The following NXPH1 variants were observed in gnomAD, a reference collection of about 807,000 sequenced individuals.
The protein encoded by NXPH1 is neurexophilin 1, also known as neurexophilin-1.
In NXPH1, 5 loss-of-function variants were observed where a neutral mutation model predicts 23.7. The ratio of observed to expected loss-of-function variants is 0.21; its 90% CI spans 0.11 to 0.44. The LOEUF is 0.44. NXPH1 is among the 20% of genes least tolerant of loss of function. The pLI, the probability that NXPH1 is intolerant of heterozygous loss-of-function variation, is 0.99. For synonymous variants in NXPH1, 144 were observed against 122.2 expected, an observed-to-expected ratio of 1.18 and a Z score of -1.18; for missense variants, 324 against 321.6, an observed-to-expected ratio of 1.01 and a Z score of -0.06.
At chr7:8,524,424 C>T (rs776667502) in intron 2 of NXPH1, among the ~76,000 whole-genome samples, 2 of 152,056 alleles carry the variant, frequency 1.3e-5, no homozygotes, top group Non-Finnish European at 2.9e-5. Context: ...AGTCTTTCTG[C>T]AGGATCTGCT....
chr7:8,743,951 T>C (rs1412024724), intron 2 of NXPH1, among the ~76,000 whole-genome samples: 1 of 152,178 alleles, frequency 6.6e-6, no homozygotes, highest in Non-Finnish European at 1.5e-5. Context: ...CCCAAAGTGC[T>C]GGGATTGCAG....
At chr7:8,559,947 G>A (rs1003873835) in intron 2 of NXPH1, among the ~76,000 whole-genome samples, 3 of 151,644 alleles carry the variant, frequency 2.0e-5, no homozygotes, top group African/African-American at 4.8e-5. Context: ...TGCCAGAATC[G>A]ATTATTGATA....
intron 2 of NXPH1, among the ~76,000 whole-genome samples, chr7:8,707,791 G>A (rs1199394930): frequency 2.6e-5 from 4 of 151,862 alleles, no homozygotes; most frequent in African/African-American, 9.7e-5. Context: ...TCTAAAACTA[G>A]GCCTCTTTTA....
intron 2 of NXPH1, among the ~76,000 whole-genome samples, chr7:8,738,077 A>C (rs1356542972): frequency 6.6e-6 from 1 of 152,202 alleles, no homozygotes; most frequent in Non-Finnish European, 1.5e-5. Context: ...TTGGGTTAGA[A>C]CATGCTCCTT....
intron 2 of NXPH1, among the ~76,000 whole-genome samples, chr7:8,534,018 C>A (rs149135013): frequency 6.6e-6 from 1 of 152,044 alleles, no homozygotes; most frequent in East Asian, 1.9e-4. Context: ...CAAATGTTAA[C>A]AACATATTGT....
intron 2 of NXPH1, among the ~76,000 whole-genome samples, chr7:8,486,911 C>A (rs1052224759): frequency 1.3e-4 from 19 of 151,868 alleles, no homozygotes; most frequent in African/African-American, 4.6e-4. Context: ...AATTACAGGC[C>A]CTTTATTATT....
At chr7:8,564,083 C>T (rs1052712912) in intron 2 of NXPH1, among the ~76,000 whole-genome samples, 4 of 151,660 alleles carry the variant, frequency 2.6e-5, no homozygotes, top group African/African-American at 9.7e-5. Context: ...TCCTCTTGTC[C>T]CCAGAGCACA....
At position 8,751,595 on chromosome 7, in the gene NXPH1, T is replaced by G; in HGVS notation, c.642T>G (p.Pro214=). ...ATKNTLCNYD[P]SKTCYQEQTQ... The stretch of plus-strand genomic sequence containing the variant: ...AGAACACACTCTGCAACTATGACCC[T>G]TCAAAAACCTGTTACCAGGAGCAAA... The change falls in exon 3 of 3, where the codon CCT becomes CCG. Residue 214 remains proline, a synonymous_variant. Transcript: ENST00000405863. The surrounding 1 kb of genome is among the most constrained non-coding windows in gnomAD (Gnocchi z 4.5). 1 of 1,613,534 alleles carries G rather than the reference T, an allele frequency of 6.2e-7. No individual in the cohort carries two copies. The highest frequency in any genetic ancestry group is 8.5e-7 in the Non-Finnish European group (1 of 1,179,728).
At chr7:8,744,222 T>C (rs2115230140) in intron 2 of NXPH1, among the ~76,000 whole-genome samples, 1 of 152,356 alleles carries the variant, frequency 6.6e-6, no homozygotes, top group Non-Finnish European at 1.5e-5. Flanking sequence ...GTCTGAATGT[T>C]TCTGAAACAA....
intron 2 of NXPH1, among the ~76,000 whole-genome samples, chr7:8,689,748 C>T (rs910820608): frequency 3.3e-5 from 5 of 152,132 alleles, no homozygotes; most frequent in Non-Finnish European, 7.4e-5. Flanking sequence ...AAATTAGCCT[C>T]TAGGGAACAG....
chr7:8,550,843 T>A (rs1332383641), intron 2 of NXPH1, among the ~76,000 whole-genome samples: 1 of 151,548 alleles, frequency 6.6e-6, no homozygotes, highest in African/African-American at 2.4e-5. Context: ...AATGGGTGGA[T>A]AATAACCAAC....
intron 2 of NXPH1, among the ~76,000 whole-genome samples, chr7:8,444,987 C>G (rs1416843986): frequency 6.6e-6 from 1 of 152,182 alleles, no homozygotes; most frequent in Non-Finnish European, 1.5e-5. Context: ...AGACAGCTAG[C>G]CAACACAATA....
At chr7:8,571,881 TA>T (rs5882176) in intron 2 of NXPH1, among the ~76,000 whole-genome samples, 58,409 of 141,380 alleles carry the variant, frequency 0.41, 12,815 homozygotes, top group African/African-American at 0.63. Context: ...GTGGACTTGT[TA>T]AAAAAAAAAA....
At chr7:8,498,201 A>C (rs1265225453) in intron 2 of NXPH1, among the ~76,000 whole-genome samples, 1 of 152,042 alleles carries the variant, frequency 6.6e-6, no homozygotes. Flanking sequence ...CTTCATTTTG[A>C]AAGGATATCC....
At chr7:8,666,556 T>A (rs977228112) in intron 2 of NXPH1, among the ~76,000 whole-genome samples, 2 of 152,046 alleles carry the variant, frequency 1.3e-5, no homozygotes, top group South Asian at 4.1e-4. Flanking sequence ...GTACAATAAG[T>A]TTGGAAGTAT....
chr7:8,707,929 G>T (rs74735897), intron 2 of NXPH1, among the ~76,000 whole-genome samples: 39 of 152,104 alleles, frequency 2.6e-4, no homozygotes, highest in African/African-American at 8.9e-4. Flanking sequence ...CTTAAATAAT[G>T]CAGATAAAAG....
intron 2 of NXPH1, among the ~76,000 whole-genome samples, chr7:8,577,856 C>T (rs1283678427): frequency 1.3e-5 from 2 of 152,252 alleles, no homozygotes; most frequent in African/African-American, 2.4e-5. Context: ...TTGAGAGAGG[C>T]TTATTTGAAG....
intron 2 of NXPH1, among the ~76,000 whole-genome samples, chr7:8,583,759 A>C (rs1228874502): frequency 3.3e-5 from 5 of 152,190 alleles, no homozygotes; most frequent in Admixed American, 3.3e-4. Flanking sequence ...AGAACTGACA[A>C]AGGTGAGAGG....
chr7:8,648,646 A>C (rs1444983434), intron 2 of NXPH1, among the ~76,000 whole-genome samples: 2 of 152,160 alleles, frequency 1.3e-5, no homozygotes, highest in East Asian at 3.9e-4. Context: ...TTTTATTATA[A>C]ACTTACATAA....
Sources: gnomAD v4.1 joint callset for allele counts (sites outside exome capture counted in the v4.1 genomes callset) on GRCh38, gnomAD v4.1.1 for gene constraint, Gnocchi (gnomAD v3.1) non-coding constraint, MANE v1.5 for transcripts, NCBI Gene and HGNC (gene_info 2026-07-23, HGNC 2026-07-21) for gene names.